The following L3MBTL4 variants were observed in gnomAD, a reference collection of about 807,000 sequenced individuals.
L3MBTL4 encodes L3MBTL histone methyl-lysine binding protein 4, also known as lethal(3)malignant brain tumor-like protein 4.
In L3MBTL4, 70 loss-of-function variants were observed where a neutral mutation model predicts 84.5. The ratio of observed to expected loss-of-function variants is 0.83; its 90% CI spans 0.68 to 1.01. L3MBTL4 has a LOEUF of 1.01. Among genes scored for constraint, L3MBTL4 ranks in the 50% least tolerant of loss-of-function variants. The probability of loss-of-function intolerance (pLI) is 0.00; values close to 1 mark genes in which losing one functional copy is unlikely to be tolerated. For synonymous variants in L3MBTL4, 274 were observed against 259.8 expected, an observed-to-expected ratio of 1.05 and a Z score of -0.52; for missense variants, 715 against 754.8, an observed-to-expected ratio of 0.95 and a Z score of 0.62.
chr18:6,111,070 A>G (rs2059181037), intron 14 of L3MBTL4, among the ~76,000 whole-genome samples: 1 of 151,992 alleles, frequency 6.6e-6, no homozygotes, highest in South Asian at 2.1e-4. Context: ...CACCATTTGC[A>G]AGGAAAAGAA....
chr18:6,180,835 G>T (rs2044435674), intron 12 of L3MBTL4, among the ~76,000 whole-genome samples: 1 of 152,124 alleles, frequency 6.6e-6, no homozygotes, highest in South Asian at 2.1e-4. Flanking sequence ...GTATGCCAAT[G>T]TTCATGGCAA....
At chr18:6,317,162 T>C (rs2051149021) in intron 1 of L3MBTL4, among the ~76,000 whole-genome samples, 1 of 152,000 alleles carries the variant, frequency 6.6e-6, no homozygotes, top group Non-Finnish European at 1.5e-5. Context: ...AATACAAAGA[T>C]TCACTATAAC....
At chr18:6,115,470 A>G (rs2059328765) in intron 14 of L3MBTL4, among the ~76,000 whole-genome samples, 1 of 152,222 alleles carries the variant, frequency 6.6e-6, no homozygotes, top group South Asian at 2.1e-4. Flanking sequence ...TACAGGTTTC[A>G]TAACTGGACA....
At position 6,198,684 on chromosome 18, in the gene L3MBTL4, T is replaced by G. The variant is rs188824436; in HGVS notation, c.981+14465A>C. On this transcript the variant is annotated intron_variant, in intron 12 of 18. Transcript: ENST00000317931. ...GAAATGATGAGAGGAAATGACCATG[T>G]GTCATAAGAAGTATTAAATGAAGAT... Among the ~76,000 whole-genome samples the G allele has an allele frequency of 4.8e-3, 736 of 152,292 alleles. 8 individuals are homozygous for G. Among genetic ancestry groups the G allele is most frequent in the African/African-American group, 0.016 (673 of 41,560 alleles).
At chr18:6,134,001 T>TA (rs2144575518) in intron 14 of L3MBTL4, among the ~76,000 whole-genome samples, 1 of 152,216 alleles carries the variant, frequency 6.6e-6, no homozygotes, top group South Asian at 2.1e-4. Flanking sequence ...ACTCTGCTGA[T>TA]AAAGACATAC....
At chr18:6,005,505 G>A (rs1223950552) in intron 16 of L3MBTL4, among the ~76,000 whole-genome samples, 1 of 152,084 alleles carries the variant, frequency 6.6e-6, no homozygotes, top group Admixed American at 6.5e-5. Flanking sequence ...CCACCCTTAA[G>A]TAGGCCCTGC....
At chr18:5,967,431 A>T (rs2052408885) in intron 17 of L3MBTL4, among the ~76,000 whole-genome samples, 2 of 152,246 alleles carry the variant, frequency 1.3e-5, no homozygotes, top group African/African-American at 4.8e-5. Context: ...GCCATCACTA[A>T]GTCTGTGAAA....
Position 6,116,932 on chromosome 18 carries a change from C to A in L3MBTL4, c.1199+21262G>T, listed in dbSNP as rs549023306. On this transcript the variant is annotated intron_variant, in intron 14 of 18. Transcript: ENST00000317931. ...TTGCTTTCATTCGTACTGTTACCAT[C>A]TATGCATGTATCCCTATGCAACACT... Among the ~76,000 whole-genome samples, 11 of 152,334 alleles carry A rather than the reference C, an allele frequency of 7.2e-5. No homozygotes were observed. In the South Asian group the frequency reaches 2.3e-3, roughly 32 times the overall value.
chr18:6,292,871 C>T (rs1271661303), intron 4 of L3MBTL4, among the ~76,000 whole-genome samples: 1 of 152,126 alleles, frequency 6.6e-6, no homozygotes, highest in Non-Finnish European at 1.5e-5. Flanking sequence ...AAACCACCTC[C>T]TCCAACTCTA....
At chr18:6,236,231 A>G (rs2047209672) in intron 10 of L3MBTL4, among the ~76,000 whole-genome samples, 1 of 152,244 alleles carries the variant, frequency 6.6e-6, no homozygotes, top group Non-Finnish European at 1.5e-5. Context: ...ACTGGTATAA[A>G]TTGGACATAC....
At position 6,378,384 on chromosome 18, in the gene L3MBTL4, G is replaced by A. The variant is rs1040442771; in HGVS notation, c.-91+36417C>T. Among the ~76,000 whole-genome samples the A allele has an allele frequency of 7.9e-5, 12 of 152,278 alleles. No individual in the cohort carries two copies. The East Asian group carries it at 2.1e-3, about 27-fold the overall frequency. ...TTGCTTTTGGTGTTTTAGACATGAA[G>A]TCTTTGCCCATGCCTATGTCCTGAA... On this transcript the variant is annotated intron_variant, in intron 1 of 18. Coordinates refer to ENST00000317931, the MANE Select transcript of L3MBTL4 (RefSeq NM_001330559.2).
chr18:6,095,086 A>G (rs1017970783), intron 14 of L3MBTL4, among the ~76,000 whole-genome samples: 2 of 152,238 alleles, frequency 1.3e-5, no homozygotes, highest in African/African-American at 4.8e-5. Flanking sequence ...AGTACAATTT[A>G]TAATAAGAAT....
chr18:6,372,490 T>C (rs56050028), intron 1 of L3MBTL4, among the ~76,000 whole-genome samples: 8,289 of 152,268 alleles, frequency 0.054, 528 homozygotes, highest in African/African-American at 0.15. Context: ...CAGAACCAAC[T>C]ATAATTCTCT....
chr18:6,172,686 TTAAA>T (rs2044034622), intron 12 of L3MBTL4, among the ~76,000 whole-genome samples: 1 of 152,064 alleles, frequency 6.6e-6, no homozygotes, highest in Admixed American at 6.6e-5. Flanking sequence ...ATAAGAATAA[TTAAA>T]TAAATCCCAA....
At chr18:6,293,366 C>T (rs572982052) in intron 4 of L3MBTL4, among the ~76,000 whole-genome samples, 14 of 152,038 alleles carry the variant, frequency 9.2e-5, no homozygotes, top group African/African-American at 2.7e-4. Flanking sequence ...CAGAAAACGT[C>T]GAAGTGCTCG....
chr18:6,099,094 T>C (rs903649826), intron 14 of L3MBTL4, among the ~76,000 whole-genome samples: 2 of 152,150 alleles, frequency 1.3e-5, no homozygotes, highest in African/African-American at 4.8e-5. Flanking sequence ...TTTCGGAGGA[T>C]TCTGGGAAGC....
rs111406627 is a variant in L3MBTL4 at position 6,053,616 on chromosome 18, G to A, written c.1444+27265C>T. Reference sequence around the variant, plus strand: ...CCTTGTTATTAATACTTGTAGCCAAGGATAGTTGCTTCAAAACAACGAATG... The same window carrying A: ...CCTTGTTATTAATACTTGTAGCCAAAGATAGTTGCTTCAAAACAACGAATG... On this transcript the variant is annotated intron_variant, in intron 16 of 18. Coordinates refer to ENST00000317931, the MANE Select transcript of L3MBTL4 (RefSeq NM_001330559.2). 3.5e-3 allele frequency among the ~76,000 whole-genome samples: 528 copies of A among 152,306 alleles called. 5 individuals are homozygous for A. The highest frequency in any genetic ancestry group is 0.012 in the African/African-American group (518 of 41,560).
intron 1 of L3MBTL4, among the ~76,000 whole-genome samples, chr18:6,337,139 A>G (rs1242425093): frequency 6.6e-6 from 1 of 152,158 alleles, no homozygotes; most frequent in Non-Finnish European, 1.5e-5. Flanking sequence ...AGCATAAAAT[A>G]TATAGGGCAC....
chr18:6,060,041 A>G (rs1345886240), intron 16 of L3MBTL4, among the ~76,000 whole-genome samples: 1 of 152,206 alleles, frequency 6.6e-6, no homozygotes, highest in Non-Finnish European at 1.5e-5. Context: ...TCAATAACAG[A>G]TGCAATATCT....
Sources: gnomAD v4.1 joint callset for allele counts (sites outside exome capture counted in the v4.1 genomes callset) on GRCh38, gnomAD v4.1.1 for gene constraint, MANE v1.5 for transcripts, NCBI Gene and HGNC (gene_info 2026-07-23, HGNC 2026-07-21) for gene names.